Variants in XKR9 observed in about 807,000 individuals in gnomAD.
XKR9 encodes the protein XK-related protein 9.
Under a neutral mutation model 32.0 loss-of-function variants are expected in XKR9, and 32 were observed. The ratio of observed to expected loss-of-function variants is 1.00; its 90% CI spans 0.76 to 1.34. The LOEUF (loss-of-function observed/expected upper bound fraction) is 1.34, where lower values mean the gene tolerates loss of function less well. Among genes scored for constraint, XKR9 ranks in the 40% most tolerant of loss-of-function variants. The pLI is 0.00. For synonymous variants in XKR9, 168 were observed against 143.4 expected (o/e 1.17, Z -1.22); for missense variants, 546 against 429.7 (o/e 1.27, Z -2.39).
the XKR9 span, among the ~76,000 whole-genome samples, chr8:71,019,014 T>G: frequency 6.6e-6 from 1 of 152,342 alleles, no homozygotes; most frequent in South Asian, 2.1e-4. Flanking sequence ...GATTGACAGC[T>G]CCATTCCACC....
the XKR9 span, among the ~76,000 whole-genome samples, chr8:70,964,032 C>T: frequency 6.6e-6 from 1 of 152,160 alleles, no homozygotes; most frequent in East Asian, 1.9e-4. Context: ...ATCATGAAAT[C>T]TTTGCCTGTG....
At chr8:71,050,069 A>G in the XKR9 span, among the ~76,000 whole-genome samples, 12 of 152,098 alleles carry the variant, frequency 7.9e-5, no homozygotes, top group Middle Eastern at 3.4e-3. Flanking sequence ...ACTGGATTTG[A>G]ATCATGGCAT....
the XKR9 span, among the ~76,000 whole-genome samples, chr8:70,964,513 G>A: frequency 1.3e-5 from 2 of 152,182 alleles, no homozygotes; most frequent in African/African-American, 2.4e-5. Context: ...AATATCAATG[G>A]TAGTTTAATA....
chr8:71,028,080 G>A, the XKR9 span, among the ~76,000 whole-genome samples: 1 of 152,128 alleles, frequency 6.6e-6, no homozygotes, highest in Non-Finnish European at 1.5e-5. Flanking sequence ...GGCCAGGATT[G>A]TTTCTTCTAT....
At chr8:70,843,004 A>C in the XKR9 span, among the ~76,000 whole-genome samples, 4 of 152,246 alleles carry the variant, frequency 2.6e-5, no homozygotes, top group Non-Finnish European at 5.9e-5. Flanking sequence ...AATAAATAGC[A>C]GATATTTTTA....
the XKR9 span, among the ~76,000 whole-genome samples, chr8:71,050,934 G>A: frequency 6.6e-6 from 1 of 151,986 alleles, no homozygotes; most frequent in Non-Finnish European, 1.5e-5. Flanking sequence ...TTAAAAACAT[G>A]TACTTCTCAA....
intron 3 of XKR9, among the ~76,000 whole-genome samples, chr8:70,685,037 C>T (rs183165185): frequency 0.017 from 2,452 of 146,766 alleles, 75 homozygotes; most frequent in African/African-American, 0.058. Flanking sequence ...TATAAAGACA[C>T]GTGCACACGT....
chr8:70,759,890 ACT>A (rs1807284891), intron 2 of XKR9, among the ~76,000 whole-genome samples: 1 of 152,176 alleles, frequency 6.6e-6, no homozygotes, highest in Non-Finnish European at 1.5e-5. Flanking sequence ...CATCAAAAAC[ACT>A]CTATAAATGA....
intron 4 of XKR9, among the ~76,000 whole-genome samples, chr8:70,725,868 T>C (rs1806450277): frequency 6.6e-6 from 1 of 152,146 alleles, no homozygotes; most frequent in Admixed American, 6.6e-5. Context: ...ATTGCATCAC[T>C]GTACTCTAGC....
the XKR9 span, among the ~76,000 whole-genome samples, chr8:71,020,879 G>A: frequency 6.6e-6 from 1 of 152,066 alleles, no homozygotes; most frequent in Non-Finnish European, 1.5e-5. Context: ...CTGTATATTA[G>A]TACCTGTCTT....
chr8:71,036,199 C>G, the XKR9 span, among the ~76,000 whole-genome samples: 3 of 152,080 alleles, frequency 2.0e-5, no homozygotes, highest in African/African-American at 4.8e-5. Flanking sequence ...GCAAACCTAG[C>G]AATGAATAGA....
the XKR9 span, among the ~76,000 whole-genome samples, chr8:70,822,291 T>TA: frequency 6.6e-6 from 1 of 152,224 alleles, no homozygotes; most frequent in South Asian, 2.1e-4. Context: ...TTTCTGGTCT[T>TA]AAAATTCATC....
intron 4 of XKR9, among the ~76,000 whole-genome samples, chr8:70,723,067 G>T (rs1183622267): frequency 6.6e-6 from 1 of 151,608 alleles, no homozygotes; most frequent in Admixed American, 6.6e-5. Flanking sequence ...CTCTGATATT[G>T]TTCCTTCTGC....
chr8:70,906,061 G>A, the XKR9 span, among the ~76,000 whole-genome samples: 4 of 152,188 alleles, frequency 2.6e-5, no homozygotes, highest in Non-Finnish European at 5.9e-5. Context: ...CTCCCAGTTA[G>A]GCTACTCGGG....
the XKR9 span, among the ~76,000 whole-genome samples, chr8:70,882,723 A>G: frequency 1.3e-5 from 2 of 152,042 alleles, no homozygotes; most frequent in Admixed American, 6.6e-5. Context: ...ATAGTGCACT[A>G]GTGTTGTACA....
chr8:70,987,346 G>A, the XKR9 span, among the ~76,000 whole-genome samples: 4 of 152,328 alleles, frequency 2.6e-5, no homozygotes, highest in East Asian at 7.7e-4. Context: ...TCAAAAGCAA[G>A]TTAGTTACTT....
At chr8:70,997,920 T>C in the XKR9 span, among the ~76,000 whole-genome samples, 1 of 152,130 alleles carries the variant, frequency 6.6e-6, no homozygotes, top group African/African-American at 2.4e-5. Flanking sequence ...AAAAGAGGAA[T>C]TTAGGAAATA....
chr8:70,861,836 T>C, the XKR9 span, among the ~76,000 whole-genome samples: 1 of 152,294 alleles, frequency 6.6e-6, no homozygotes, highest in East Asian at 1.9e-4. Flanking sequence ...CACCACCAAA[T>C]TGTTATTTTT....
chr8:70,955,599 G>T, the XKR9 span, among the ~76,000 whole-genome samples: 1 of 152,152 alleles, frequency 6.6e-6, no homozygotes, highest in Non-Finnish European at 1.5e-5. Context: ...ATCCCTTAGG[G>T]TCTTGCTTTT....
Sources: allele counts gnomAD v4.1 joint callset (sites outside exome capture counted in the v4.1 genomes callset), GRCh38; gene constraint gnomAD v4.1.1; transcripts MANE v1.5; gene names NCBI Gene and HGNC (gene_info 2026-07-23, HGNC 2026-07-21).